The following KANK4 variants were observed in gnomAD, a reference collection of about 807,000 sequenced individuals.
The protein encoded by KANK4 is KN motif and ankyrin repeat domains 4.
In KANK4, 50 loss-of-function variants were observed where a neutral mutation model predicts 80.8. The observed-to-expected ratio is 0.62, with a 90% CI of 0.49 to 0.78. The LOEUF is 0.78. Ranked by LOEUF, KANK4 falls within the 30% of genes least tolerant of loss-of-function variation. The pLI, the probability that KANK4 is intolerant of heterozygous loss-of-function variation, is 0.00. For missense variants in KANK4, 1,196 were observed against 1,240.1 expected, an observed-to-expected ratio of 0.96 and a Z score of 0.53; for synonymous variants, 465 against 506.9, an observed-to-expected ratio of 0.92 and a Z score of 1.11.
chr1:62,262,983 CA>C, intron 7 of KANK4, 108 bp downstream of exon 7: 4 of 809,668 alleles, frequency 4.9e-6, no homozygotes, highest in Non-Finnish European at 8.2e-6. Context: ...TCCATGTAAC[CA>C]AAAACCACTT....
intron 2 of KANK4, 86 bp downstream of exon 2, chr1:62,281,463 T>G: frequency 6.5e-7 from 1 of 1,529,764 alleles, no homozygotes; most frequent in African/African-American, 1.4e-5. Context: ...AGGCCTTTCC[T>G]AGGCTATTTC....
chr1:62,288,011 C>A (rs1329641193), intron 1 of KANK4, among the ~76,000 whole-genome samples: 3 of 152,192 alleles, frequency 2.0e-5, no homozygotes, highest in African/African-American at 7.2e-5. Flanking sequence ...TCTAAACTGG[C>A]TAGAGAACAG....
At chr1:62,247,818 C>T in intron 8 of KANK4, 146 bp from the exon 9 acceptor site, 1 of 675,856 alleles carries the variant, frequency 1.5e-6, no homozygotes, top group South Asian at 1.8e-5. Context: ...ATAACCTTCT[C>T]TGCTTGGCAA....
At chr1:62,283,211 C>T (rs1672489366) in intron 1 of KANK4, among the ~76,000 whole-genome samples, 1 of 152,202 alleles carries the variant, frequency 6.6e-6, no homozygotes, top group South Asian at 2.1e-4. Context: ...CCTTCATCTC[C>T]ACCATCGCAG....
chr1:62,273,484 G>T lies in KANK4; in HGVS notation c.1620C>A (p.Ser540=), dbSNP rs1245223661. The T allele has an allele frequency of 5.0e-6, 8 of 1,614,034 alleles. No homozygotes were observed. In the South Asian group the frequency reaches 8.8e-5, roughly 18 times the overall value. The change falls in exon 3 of 10, where the codon TCC becomes TCA. Residue 540 remains serine, a synonymous_variant. Coordinates refer to ENST00000371153, the MANE Select transcript of KANK4 (RefSeq NM_181712.5). ...TPPAGREETS[S]NLPGKEHPGR... The stretch of plus-strand genomic sequence containing the variant: ...CCGGGTGCTCCTTCCCTGGGAGATT[G>T]GAACTGGTCTCCTCCCTCCCTGCTG...
At chr1:62,292,566 T>A (rs1027504347) in intron 1 of KANK4, among the ~76,000 whole-genome samples, 3 of 152,208 alleles carry the variant, frequency 2.0e-5, no homozygotes, top group Non-Finnish European at 4.4e-5. Context: ...CTATAGTAAA[T>A]AACTACTCTT....
chr1:62,250,153 A>G (rs1035554032), intron 8 of KANK4, among the ~76,000 whole-genome samples: 1 of 151,212 alleles, frequency 6.6e-6, no homozygotes. Context: ...ACACCCGGCT[A>G]TTTTTTGTAT....
At chr1:62,314,586 C>T (rs565433825) in intron 1 of KANK4, among the ~76,000 whole-genome samples, 1 of 152,130 alleles carries the variant, frequency 6.6e-6, no homozygotes, top group African/African-American at 2.4e-5. Flanking sequence ...TGCTGTATTT[C>T]TCTCCCCCCT....
At chr1:62,263,393 GCCTCTGTCCCTGCAGCTC>G in intron 6 of KANK4, 82 bp from the exon 7 acceptor site, 1 of 1,156,884 alleles carries the variant, frequency 8.6e-7, no homozygotes, top group South Asian at 1.3e-5. Flanking sequence ...GACAGCTTTG[GCCTCTGTCCCTGCAGCTC>G]CCTCCAGCTT....
Position 62,274,688 on chromosome 1 carries a change from T to C in KANK4, c.416A>G (p.Gln139Arg), listed in dbSNP as rs1672264843. 3 of 1,614,180 alleles carry C rather than the reference T, an allele frequency of 1.9e-6. No homozygotes were observed. Among genetic ancestry groups the C allele is most frequent in the Non-Finnish European group, 2.5e-6 (3 of 1,180,032 alleles). Residue 139 changes from glutamine (Q) to arginine (R), a missense_variant, in exon 3 of 10, where the codon CAG (glutamine) becomes CGG (arginine). This residue lies in a region of KANK4 where 1,154 missense variants were observed against 1,179.6 expected (regional missense o/e 0.98). Coordinates refer to ENST00000371153, the MANE Select transcript of KANK4 (RefSeq NM_181712.5). ...ATCCTCTGGCTCAGCAGCTTCCAAC[T>C]GTCTGGTGGCCTCTGCCAACAGAGC... ...RKALLAEATR[Q>R]LEAAEPEDAE...
At position 62,247,797 on chromosome 1, in the gene KANK4, T is replaced by C. The variant is rs10789108; in HGVS notation, c.2683-125A>G. 0.42 allele frequency: 319,934 copies of C among 756,682 alleles called. 69,262 individuals are homozygous for C. Among genetic ancestry groups the C allele is most frequent in the Middle Eastern group, 0.46 (1,257 of 2,760 alleles). 46.9% of individuals were successfully genotyped at this position (756,682 alleles called of 1,614,324 possible). The stretch of plus-strand genomic sequence containing the variant: ...ACCACTGATTTGAATCTCCTGCCCT[T>C]GATATGGGACATAACCTTCTCTGCT... On this transcript the variant is annotated intron_variant, in intron 8 of 9. Transcript: ENST00000371153.
At chr1:62,240,940 A>C (rs899963646) in intron 9 of KANK4, among the ~76,000 whole-genome samples, 1 of 151,432 alleles carries the variant, frequency 6.6e-6, no homozygotes, top group Non-Finnish European at 1.5e-5. Context: ...CAAAAACCAC[A>C]CTCTTTAGAT....
chr1:62,271,638 G>T, intron 3 of KANK4, 49 bp from the exon 4 acceptor site: 1 of 1,378,472 alleles, frequency 7.3e-7, no homozygotes, highest in Non-Finnish European at 1.0e-6. Context: ...GGATGCATGG[G>T]AATGTAGCAA....
At chr1:62,263,663 C>T (rs1252947318) in intron 6 of KANK4, among the ~76,000 whole-genome samples, 1 of 152,082 alleles carries the variant, frequency 6.6e-6, no homozygotes, top group African/African-American at 2.4e-5. Context: ...AGGCCCTCTC[C>T]TTCCCCCTCA....
Position 62,274,276 on chromosome 1 carries a change from C to A in KANK4, c.828G>T (p.Leu276Phe). The A allele has an allele frequency of 6.2e-7, 1 of 1,614,074 alleles. No individual in the cohort carries two copies. The highest frequency in any genetic ancestry group is 8.5e-7 in the Non-Finnish European group (1 of 1,179,964). Residue 276 changes from leucine to phenylalanine, a missense_variant, in exon 3 of 10, where the codon TTG becomes TTT. Transcript: ENST00000371153. The stretch of plus-strand genomic sequence containing the variant: ...TTGGCGTAGGGGAGCCAGGGGTGAA[C>A]AACACCTCTGCTTCTCTGGCATTGT... ...DEHNAREAEV[L>F]FTPGSPTPSP...
At chr1:62,287,044 A>G (rs1672585030) in intron 1 of KANK4, among the ~76,000 whole-genome samples, 1 of 152,118 alleles carries the variant, frequency 6.6e-6, no homozygotes. Flanking sequence ...AGACTCCGAG[A>G]GGCGGGGTGC....
intron 1 of KANK4, among the ~76,000 whole-genome samples, chr1:62,286,324 C>T (rs1344119748): frequency 1.3e-5 from 2 of 152,232 alleles, no homozygotes; most frequent in African/African-American, 2.4e-5. Context: ...GTGTCTGTTT[C>T]GCAGCTGTTA....
chr1:62,306,778 T>TA (rs1296326011), intron 1 of KANK4, among the ~76,000 whole-genome samples: 2 of 152,140 alleles, frequency 1.3e-5, no homozygotes, highest in African/African-American at 4.8e-5. Context: ...CCCTCCAACA[T>TA]ACACATTATT....
chr1:62,274,250 C>A lies in KANK4; in HGVS notation c.854G>T (p.Ser285Ile). The A allele has an allele frequency of 6.2e-7, 1 of 1,614,024 alleles. No homozygotes were observed. The highest frequency in any genetic ancestry group is 8.5e-7 in the Non-Finnish European group (1 of 1,179,946). ...VLFTPGSPTP[S>I]PPPLPSPIPE... Reference sequence around the variant, plus strand: ...GATGGGTGATGGCAGAGGTGGCGGGCTTGGCGTAGGGGAGCCAGGGGTGAA... The same window carrying A: ...GATGGGTGATGGCAGAGGTGGCGGGATTGGCGTAGGGGAGCCAGGGGTGAA... The change falls in exon 3 of 10, where the codon AGC becomes ATC. Residue 285 changes from serine to isoleucine, a missense_variant. By Grantham distance (142) the Ser-to-Ile change is moderately radical. Around this residue, in one of 3 missense-constraint regions of KANK4, gnomAD observed 1,154 missense variants for 1,179.6 expected, o/e 0.98. Coordinates refer to ENST00000371153, the MANE Select transcript of KANK4 (RefSeq NM_181712.5).
Sources: allele counts gnomAD v4.1 joint callset (sites outside exome capture counted in the v4.1 genomes callset), GRCh38; gene constraint gnomAD v4.1.1; regional missense constraint gnomAD v4.1.1; transcripts MANE v1.5; gene names NCBI Gene and HGNC (gene_info 2026-07-23, HGNC 2026-07-21).